The following UNC79 variants were observed in gnomAD, a reference collection of about 807,000 sequenced individuals.
The protein encoded by UNC79 is unc-79 subunit of NALCN channel complex.
In UNC79, 37 loss-of-function variants were observed where a neutral mutation model predicts 283.1. That is an observed-to-expected ratio of 0.13 (90% confidence interval 0.10 to 0.17). UNC79 has a LOEUF of 0.17. UNC79 is among the 10% of genes least tolerant of loss of function. The probability of loss-of-function intolerance (pLI) is 1.00; values close to 1 mark genes in which losing one functional copy is unlikely to be tolerated. For missense variants in UNC79, 2,272 were observed against 3,211.1 expected (o/e 0.71, Z 7.07); for synonymous variants, 1,107 against 1,200.2 (o/e 0.92, Z 1.61).
At chr14:93,532,888 G>A (rs1362019934) in intron 11 of UNC79, among the ~76,000 whole-genome samples, 1 of 151,912 alleles carries the variant, frequency 6.6e-6, no homozygotes, top group Non-Finnish European at 1.5e-5. Flanking sequence ...GCAATTTATG[G>A]TACTTAACTT....
chr14:93,477,727 A>G, exon 4 of UNC79: 2 of 1,609,252 alleles, frequency 1.2e-6, no homozygotes, highest in Non-Finnish European at 1.7e-6. Flanking sequence ...CAATGGCTAT[A>G]TGTAAGTCCA....
intron 5 of UNC79, among the ~76,000 whole-genome samples, chr14:93,493,871 C>G (rs2058858640): frequency 9.9e-6 from 1 of 101,500 alleles, no homozygotes; most frequent in Non-Finnish European, 1.8e-5. Context: ...AGGGGAAGTG[C>G]CACATATATA....
rs2074455721 is a variant in UNC79, at chr14:93,688,855, A to G, written c.7085+15A>G. 1 of 1,608,930 alleles carries G rather than the reference A, an allele frequency of 6.2e-7. No individual in the cohort carries two copies. The highest frequency in any genetic ancestry group is 8.5e-7 in the Non-Finnish European group (1 of 1,177,206). ...ATGCAGCAAGGGTAAGACCCTTACTATTCCGGGAATGAGGGTAAAGAAGGC... is the reference window on the plus strand; with the variant it reads ...ATGCAGCAAGGGTAAGACCCTTACTGTTCCGGGAATGAGGGTAAAGAAGGC... On this transcript the variant is annotated intron_variant, in intron 44 of 48. Transcript: ENST00000555664. The surrounding 1 kb of genome is among the most constrained non-coding windows in gnomAD (Gnocchi z 4.0).
chr14:93,487,281 T>A (rs2058492367), intron 4 of UNC79, among the ~76,000 whole-genome samples: 1 of 152,232 alleles, frequency 6.6e-6, no homozygotes. Context: ...CCTTTCCTTT[T>A]TATTTTCTCA....
intron 26 of UNC79, among the ~76,000 whole-genome samples, chr14:93,611,568 C>T (rs541001629): frequency 6.6e-6 from 1 of 152,266 alleles, no homozygotes; most frequent in Non-Finnish European, 1.5e-5. Context: ...TTTCTTATGC[C>T]TCGCGTCTCT....
intron 1 of UNC79, among the ~76,000 whole-genome samples, chr14:93,379,613 A>G (rs577692644): frequency 2.3e-4 from 33 of 145,766 alleles, no homozygotes; most frequent in African/African-American, 7.8e-4. Flanking sequence ...CATTAAACCA[A>G]TTGTTGTGGC....
chr14:93,374,593 C>A (rs2054517950), intron 1 of UNC79, among the ~76,000 whole-genome samples: 1 of 152,130 alleles, frequency 6.6e-6, no homozygotes, highest in Non-Finnish European at 1.5e-5. Flanking sequence ...GGAAGGCGTA[C>A]AATGGCATGA....
At chr14:93,678,318 T>C (rs1022697982) in intron 41 of UNC79, among the ~76,000 whole-genome samples, 7 of 152,208 alleles carry the variant, frequency 4.6e-5, no homozygotes, top group Admixed American at 4.6e-4. Context: ...CCCTAGGTGA[T>C]CCATCACGAA....
At chr14:93,477,649 A>C in exon 4 of UNC79, 1 of 1,613,510 alleles carries the variant, frequency 6.2e-7, no homozygotes, top group South Asian at 1.1e-5. Context: ...CGATGATATC[A>C]ACGTTGGCTA....
At chr14:93,559,436 A>G (rs1159588453) in intron 14 of UNC79, among the ~76,000 whole-genome samples, 1 of 152,242 alleles carries the variant, frequency 6.6e-6, no homozygotes, top group East Asian at 1.9e-4. Flanking sequence ...GCTTTGTGTG[A>G]GCACTAAAGC....
At chr14:93,622,616 G>A (rs2139945158) in exon 30 of UNC79, 1 of 1,614,204 alleles carries the variant, frequency 6.2e-7, no homozygotes, top group African/African-American at 1.3e-5. Context: ...CGAAGATGCA[G>A]AGAACCCCAC....
chr14:93,538,645 C>G (rs543973139), intron 12 of UNC79, among the ~76,000 whole-genome samples: 1 of 151,802 alleles, frequency 6.6e-6, no homozygotes, highest in African/African-American at 2.4e-5. Context: ...AGTCAGGAGG[C>G]GGGGAAGGCA....
At chr14:93,520,759 A>T (rs186131439) in intron 7 of UNC79, among the ~76,000 whole-genome samples, 88 of 151,996 alleles carry the variant, frequency 5.8e-4, no homozygotes, top group African/African-American at 2.1e-3. Flanking sequence ...GTCACATTTA[A>T]TTTTTAAATT....
At chr14:93,435,066 T>C (rs2056032172) in intron 1 of UNC79, among the ~76,000 whole-genome samples, 1 of 152,196 alleles carries the variant, frequency 6.6e-6, no homozygotes. Context: ...TTTTCTTTAT[T>C]TTTTGCACAT....
chr14:93,363,933 G>C (rs1478073221), intron 1 of UNC79, among the ~76,000 whole-genome samples: 1 of 152,038 alleles, frequency 6.6e-6, no homozygotes, highest in African/African-American at 2.4e-5. Flanking sequence ...TGTTAGCCAG[G>C]ATGGTCTCGA....
At chr14:93,613,770 T>A (rs2066485097) in intron 27 of UNC79, among the ~76,000 whole-genome samples, 1 of 152,164 alleles carries the variant, frequency 6.6e-6, no homozygotes, top group Non-Finnish European at 1.5e-5. Flanking sequence ...TAACCAAAAA[T>A]ACTTAAATTT....
chr14:93,690,103 T>G lies in UNC79; in HGVS notation c.7086-14T>G. 1 of 1,612,760 alleles carries G rather than the reference T, an allele frequency of 6.2e-7. No homozygotes were observed. Among genetic ancestry groups the G allele is most frequent in the Non-Finnish European group, 8.5e-7 (1 of 1,179,152 alleles). On this transcript the variant is annotated splice_polypyrimidine_tract_variant and intron_variant, in intron 44 of 48. Transcript: ENST00000555664. The surrounding 1 kb of genome is among the most constrained non-coding windows in gnomAD (Gnocchi z 4.3). ...AACATAAAATCATCTTTAACACTCC[T>G]TCTTCTCTAATAGACCTAAAGAATT...
rs374522107 is a variant in UNC79 at position 93,637,359 on chromosome 14, A to G, written c.5800+60A>G. The G allele has an allele frequency of 2.8e-4, 440 of 1,597,934 alleles. 2 individuals carry two copies. The African/African-American group carries it at 5.5e-3, about 20-fold the overall frequency. On this transcript the variant is annotated intron_variant, in intron 32 of 48. Coordinates refer to ENST00000555664, the Ensembl canonical transcript of UNC79. ...CTGAAGGAGACTGGACATGTCCATC[A>G]TTTGGTCACCCAGCAGGTGCAGGCT...
At chr14:93,398,426 G>A (rs764178533) in intron 1 of UNC79, among the ~76,000 whole-genome samples, 43 of 152,232 alleles carry the variant, frequency 2.8e-4, no homozygotes, top group Admixed American at 9.8e-4. Context: ...AGGGCACAAT[G>A]TAGGCAGAAA....
Sources: allele counts gnomAD v4.1 joint callset (sites outside exome capture counted in the v4.1 genomes callset), GRCh38; gene constraint gnomAD v4.1.1; non-coding constraint Gnocchi (gnomAD v3.1); transcripts MANE v1.5; gene names NCBI Gene and HGNC (gene_info 2026-07-23, HGNC 2026-07-21).